WDFY3: variants seen among roughly 807,000 people sequenced by gnomAD.
The protein encoded by WDFY3 is WD repeat and FYVE domain containing 3.
Under a neutral mutation model 409.6 loss-of-function variants are expected in WDFY3, and 66 were observed. The observed-to-expected ratio is 0.16, with a 90% CI of 0.13 to 0.20. The LOEUF is 0.20. Ranked by LOEUF, WDFY3 falls within the 10% of genes least tolerant of loss-of-function variation. The pLI is 1.00. For missense variants in WDFY3, 3,031 were observed against 4,298.1 expected (o/e 0.71, Z 8.24); for synonymous variants, 1,521 against 1,537.1 (o/e 0.99, Z 0.25).
intron 37 of WDFY3, 41 bp from the exon 38 acceptor site, chr4:84,741,962 C>A: frequency 1.3e-6 from 2 of 1,532,854 alleles, no homozygotes; most frequent in South Asian, 1.3e-5. Flanking sequence ...AAATTGATAT[C>A]TACCAACACA....
intron 2 of WDFY3, among the ~76,000 whole-genome samples, chr4:84,908,609 T>C (rs898857944): frequency 6.6e-6 from 1 of 152,188 alleles, no homozygotes; most frequent in African/African-American, 2.4e-5. Flanking sequence ...GAAACCTCAA[T>C]AGTCATTTAC....
At chr4:84,911,621 T>C (rs1304991950) in intron 2 of WDFY3, among the ~76,000 whole-genome samples, 2 of 152,210 alleles carry the variant, frequency 1.3e-5, no homozygotes, top group Non-Finnish European at 2.9e-5. Flanking sequence ...TCTCAATAAA[T>C]ATATTTGAAA....
intron 1 of WDFY3, among the ~76,000 whole-genome samples, chr4:84,947,467 G>T (rs1773009607): frequency 6.7e-6 from 1 of 149,806 alleles, no homozygotes. Context: ...AGCCAAGATT[G>T]TGCCACTGCA....
At chr4:84,699,641 T>C (rs1403618329) in intron 56 of WDFY3, among the ~76,000 whole-genome samples, 4 of 152,206 alleles carry the variant, frequency 2.6e-5, no homozygotes, top group Non-Finnish European at 5.9e-5. Flanking sequence ...CTTCCCACAG[T>C]GGCTAAACCA....
At chr4:84,936,766 G>A (rs990093069) in intron 1 of WDFY3, among the ~76,000 whole-genome samples, 1 of 151,872 alleles carries the variant, frequency 6.6e-6, no homozygotes, top group Non-Finnish European at 1.5e-5. Flanking sequence ...AAAAGCCACA[G>A]GCAATCAGAA....
At chr4:84,762,022 A>G (rs1347156342) in intron 32 of WDFY3, among the ~76,000 whole-genome samples, 1 of 152,168 alleles carries the variant, frequency 6.6e-6, no homozygotes, top group Non-Finnish European at 1.5e-5. Context: ...GTGGGACTGT[A>G]AACTAGTTCA....
At chr4:84,920,553 G>C (rs1023772743) in intron 2 of WDFY3, among the ~76,000 whole-genome samples, 1 of 152,120 alleles carries the variant, frequency 6.6e-6, no homozygotes, top group African/African-American at 2.4e-5. Flanking sequence ...TCTGGATAAA[G>C]GGCAACTGGA....
At chr4:84,729,654 T>A (rs1736254380) in intron 44 of WDFY3, among the ~76,000 whole-genome samples, 1 of 146,806 alleles carries the variant, frequency 6.8e-6, no homozygotes, top group African/African-American at 2.5e-5. Context: ...CATGTAACAT[T>A]ATCAAAGTTT....
At chr4:84,701,786 G>A (rs980916767) in intron 56 of WDFY3, among the ~76,000 whole-genome samples, 7 of 152,118 alleles carry the variant, frequency 4.6e-5, no homozygotes, top group African/African-American at 1.7e-4. Context: ...ACAGGATAAA[G>A]AAAAGGGGTT....
intron 13 of WDFY3, among the ~76,000 whole-genome samples, chr4:84,815,017 CTTGT>C (rs923147631): frequency 5.3e-5 from 8 of 152,066 alleles, no homozygotes; most frequent in African/African-American, 1.9e-4. Flanking sequence ...TGTTAATAAA[CTTGT>C]TTGTTTTTCT....
chr4:84,820,738 G>A (rs1560843729), intron 11 of WDFY3, among the ~76,000 whole-genome samples: 1 of 152,052 alleles, frequency 6.6e-6, no homozygotes. Context: ...TTTATTAGTT[G>A]TAATTAATAA....
intron 3 of WDFY3, among the ~76,000 whole-genome samples, chr4:84,877,861 A>G (rs1394452859): frequency 3.9e-5 from 6 of 152,236 alleles, no homozygotes; most frequent in Non-Finnish European, 5.9e-5. Flanking sequence ...GTGCTGAATA[A>G]GAGTTTAGAA....
At chr4:84,882,998 T>C (rs1763748305) in intron 3 of WDFY3, among the ~76,000 whole-genome samples, 1 of 152,282 alleles carries the variant, frequency 6.6e-6, no homozygotes, top group Admixed American at 6.5e-5. Flanking sequence ...TGAGCCACCG[T>C]GCCTGGCCTC....
chr4:84,673,129 G>T, intron 67 of WDFY3, 138 bp from the exon 68 acceptor site: 1 of 1,056,384 alleles, frequency 9.5e-7, no homozygotes, highest in Admixed American at 2.7e-5. Flanking sequence ...GGCTGAACAA[G>T]GACTAAAAGG....
Position 84,679,193 on chromosome 4 carries a change from C to T in WDFY3, c.9873G>A (p.Gln3291=). 6.3e-7 allele frequency: 1 copy of T among 1,596,906 alleles called. No homozygotes were observed. Among genetic ancestry groups the T allele is most frequent in the Non-Finnish European group, 8.6e-7 (1 of 1,169,474 alleles). ...TGTCCTTAGGGTCCTGGCTGATGCT[C>T]TGCTCATCTGCTTCTGAATCACTGC... ...EDSSDSEADE[Q]SISQDPKDTP... The change falls in exon 65 of 68, where the codon CAG becomes CAA. Residue 3291 remains glutamine, a synonymous_variant. Transcript: ENST00000295888.
At chr4:84,946,509 C>T (rs756980607) in intron 1 of WDFY3, among the ~76,000 whole-genome samples, 2 of 152,160 alleles carry the variant, frequency 1.3e-5, no homozygotes, top group Non-Finnish European at 2.9e-5. Flanking sequence ...GGTACTTCAA[C>T]TTGCTTTTTG....
chr4:84,923,397 T>A (rs137972375), intron 2 of WDFY3, among the ~76,000 whole-genome samples: 4 of 152,200 alleles, frequency 2.6e-5, no homozygotes, highest in African/African-American at 9.6e-5. Context: ...CCCACCTTAT[T>A]ACATTTTTTG....
In WDFY3 at chr4:84,829,193, G is replaced by A; in HGVS notation, c.770-3C>T. The A allele has an allele frequency of 1.3e-6, 2 of 1,538,850 alleles. No individual in the cohort carries two copies. Among genetic ancestry groups the A allele is most frequent in the Non-Finnish European group, 1.8e-6 (2 of 1,139,000 alleles). ...ACATGTAGATAAACACTCTTTCTCT[G>A]TAAGAATAGATAATTAAATAAATAT... On this transcript the variant is annotated splice_region_variant and splice_polypyrimidine_tract_variant and intron_variant, in intron 8 of 67. Coordinates refer to ENST00000295888, the MANE Select transcript of WDFY3 (RefSeq NM_014991.6).
chr4:84,745,402 A>T (rs576968062), intron 36 of WDFY3, among the ~76,000 whole-genome samples: 1 of 152,344 alleles, frequency 6.6e-6, no homozygotes, highest in East Asian at 1.9e-4. Flanking sequence ...CCAGGACTGT[A>T]TTTATGACCC....
Sources: allele counts gnomAD v4.1 joint callset (sites outside exome capture counted in the v4.1 genomes callset), GRCh38; gene constraint gnomAD v4.1.1; transcripts MANE v1.5; gene names NCBI Gene and HGNC (gene_info 2026-07-23, HGNC 2026-07-21).